The following MACROD2 variants were observed in gnomAD, a reference collection of about 807,000 sequenced individuals.
MACROD2 encodes ADP-ribose glycohydrolase MACROD2.
A neutral mutation model predicts 70.4 loss-of-function variants in MACROD2; 36 were observed. The observed-to-expected ratio is 0.51, with a 90% CI of 0.39 to 0.68. MACROD2 has a LOEUF of 0.68. MACROD2 is among the 30% of genes least tolerant of loss of function. The pLI is 0.00. For synonymous variants in MACROD2, 172 were observed against 178.8 expected (o/e 0.96, Z 0.30); for missense variants, 496 against 538.4 (o/e 0.92, Z 0.78).
At chr20:14,797,326 C>G (rs2072521621) in intron 5 of MACROD2, among the ~76,000 whole-genome samples, 1 of 152,062 alleles carries the variant, frequency 6.6e-6, no homozygotes, top group African/African-American at 2.4e-5. Context: ...CGGCCATTGC[C>G]TTTGGGATCA....
At chr20:15,961,585 G>A (rs545694976) in intron 12 of MACROD2, among the ~76,000 whole-genome samples, 2 of 152,292 alleles carry the variant, frequency 1.3e-5, no homozygotes, top group Non-Finnish European at 2.9e-5. Context: ...CTCAGAAGCA[G>A]TGACCCGATG....
intron 2 of MACROD2, among the ~76,000 whole-genome samples, chr20:14,032,567 A>AT (rs2053258301): frequency 6.6e-6 from 1 of 151,998 alleles, no homozygotes; most frequent in African/African-American, 2.4e-5. Context: ...AGCCATCTGA[A>AT]TTTTTTGGGT....
intron 8 of MACROD2, among the ~76,000 whole-genome samples, chr20:15,562,678 C>T (rs2048260177): frequency 6.6e-6 from 1 of 152,142 alleles, no homozygotes; most frequent in South Asian, 2.1e-4. Flanking sequence ...TTACTTAGGG[C>T]ATGCTTTAAT....
chr20:14,896,680 C>T (rs758453507), intron 5 of MACROD2, among the ~76,000 whole-genome samples: 3 of 151,976 alleles, frequency 2.0e-5, no homozygotes, highest in Non-Finnish European at 4.4e-5. Context: ...AAGCATTGAT[C>T]TGCCTGAATA....
chr20:14,043,767 A>G lies in MACROD2; in HGVS notation c.163+41363A>G, dbSNP rs540365994. On this transcript the variant is annotated intron_variant, in intron 2 of 17. Coordinates refer to ENST00000684519, the MANE Select transcript of MACROD2 (RefSeq NM_001351661.2). ...AGCTTCAAGATGGAAAGGCAGGGGA[A>G]AATTCCTGCCTTGGGGAGAAAAAGG... is the stretch of plus-strand genomic sequence containing the variant. Among the ~76,000 whole-genome samples the G allele has an allele frequency of 9.2e-5, 14 of 152,272 alleles. No homozygotes were observed. The East Asian group carries it at 2.5e-3, about 27-fold the overall frequency.
chr20:14,015,927 A>G (rs1455360113), intron 2 of MACROD2, among the ~76,000 whole-genome samples: 1 of 152,210 alleles, frequency 6.6e-6, no homozygotes, highest in East Asian at 1.9e-4. Flanking sequence ...TAATGCTGCT[A>G]TGAATATTGG....
intron 8 of MACROD2, among the ~76,000 whole-genome samples, chr20:15,820,191 G>A (rs1443341290): frequency 2.6e-5 from 4 of 151,798 alleles, no homozygotes; most frequent in African/African-American, 9.7e-5. Context: ...TTTTCTTTTT[G>A]GCAGGAGTAG....
chr20:14,530,867 T>C (rs2085294920), intron 4 of MACROD2, among the ~76,000 whole-genome samples: 1 of 152,250 alleles, frequency 6.6e-6, no homozygotes, highest in African/African-American at 2.4e-5. Context: ...CTATGCTTCA[T>C]TTAACTCCTA....
chr20:14,978,906 T>TATCATAATATATATAATCATA lies in MACROD2; in HGVS notation c.419-251034_419-251033insATCATAATATATATAATCATA, dbSNP rs1467597417. 8.7e-4 allele frequency among the ~76,000 whole-genome samples: 5 copies of TATCATAATATATATAATCATA among 5,768 alleles called. No homozygotes were observed. The South Asian group carries it at 0.054, about 62-fold the overall frequency. 3.8% of individuals were successfully genotyped at this position (5,768 alleles called of 152,430 possible). On this transcript the variant is annotated intron_variant, in intron 5 of 17. Coordinates refer to ENST00000684519, the MANE Select transcript of MACROD2 (RefSeq NM_001351661.2). ...TAAAATATATATATTATATAATATATTATATATAATATATATCATAATATA... is the reference window on the plus strand; with the variant it reads ...TAAAATATATATATTATATAATATATATCATAATATATATAATCATATATATATAATATATATCATAATATA...
intron 2 of MACROD2, among the ~76,000 whole-genome samples, chr20:14,052,244 A>G (rs1250126236): frequency 6.6e-6 from 1 of 152,102 alleles, no homozygotes; most frequent in Non-Finnish European, 1.5e-5. Flanking sequence ...TGTCATCTTC[A>G]TAACTAAGTT....
chr20:14,378,357 G>A (rs2083392428), intron 3 of MACROD2, among the ~76,000 whole-genome samples: 1 of 152,088 alleles, frequency 6.6e-6, no homozygotes, highest in Non-Finnish European at 1.5e-5. Flanking sequence ...CAGTTGATGG[G>A]CACTGCCTCA....
chr20:15,578,207 G>A (rs948643255), intron 8 of MACROD2, among the ~76,000 whole-genome samples: 2 of 152,192 alleles, frequency 1.3e-5, no homozygotes, highest in Non-Finnish European at 1.5e-5. Context: ...TTGAGTCACA[G>A]TGTTTTCAGA....
At chr20:14,810,900 C>T (rs943100637) in intron 5 of MACROD2, among the ~76,000 whole-genome samples, 2 of 151,986 alleles carry the variant, frequency 1.3e-5, no homozygotes, top group African/African-American at 4.8e-5. Flanking sequence ...AGGACCTCTT[C>T]AAGGAGAACT....
intron 5 of MACROD2, among the ~76,000 whole-genome samples, chr20:14,782,705 C>G (rs912571839): frequency 3.3e-5 from 5 of 152,124 alleles, no homozygotes; most frequent in African/African-American, 9.7e-5. Flanking sequence ...GACCGCCTCT[C>G]TGCCCAACTT....
intron 3 of MACROD2, among the ~76,000 whole-genome samples, chr20:14,245,362 C>CAAAA (rs11477339): frequency 7.7e-6 from 1 of 129,906 alleles, no homozygotes; most frequent in African/African-American, 2.8e-5. Context: ...GACTTCGTCT[C>CAAAA]AAAAAAAAAA....
chr20:14,940,108 A>G (rs114187703), intron 5 of MACROD2, among the ~76,000 whole-genome samples: 2,112 of 133,806 alleles, frequency 0.016, 51 homozygotes, highest in African/African-American at 0.054. Flanking sequence ...TTTTCTTTCC[A>G]GTTTGGAGCC....
chr20:14,860,220 A>G (rs545759697), intron 5 of MACROD2, among the ~76,000 whole-genome samples: 9 of 152,184 alleles, frequency 5.9e-5, no homozygotes, highest in Non-Finnish European at 1.2e-4. Flanking sequence ...TATGGCCTCA[A>G]ATAAATTGAA....
chr20:14,597,064 A>C (rs1982191964), intron 4 of MACROD2, among the ~76,000 whole-genome samples: 1 of 152,162 alleles, frequency 6.6e-6, no homozygotes, highest in Non-Finnish European at 1.5e-5. Context: ...ATTTGCAAAT[A>C]ATTTCTCCCT....
Position 15,322,851 on chromosome 20 carries a change from GGAATCCAT to G in MACROD2, c.540+92807_540+92814del, listed in dbSNP as rs558112529. ...GTCTGCCTATTAGAAATGTGACCTTGGAATCCATGAATCCATGAATCCATATTTGGAAT... is the reference window on the plus strand; with the variant it reads ...GTCTGCCTATTAGAAATGTGACCTTGGAATCCATGAATCCATATTTGGAAT... On this transcript the variant is annotated intron_variant, in intron 6 of 17. Transcript: ENST00000684519. Among the ~76,000 whole-genome samples, 64 of 143,638 alleles carry G rather than the reference GGAATCCAT, an allele frequency of 4.5e-4. 6 individuals are homozygous for G. The highest frequency in any genetic ancestry group is 4.4e-3 in the East Asian group (22 of 4,946). 94.2% of individuals were successfully genotyped at this position (143,638 alleles called of 152,430 possible). A position where few individuals can be genotyped will look rare whatever the true frequency, so the allele number is the denominator to read the frequency against.
Sources: gnomAD v4.1 joint callset for allele counts (sites outside exome capture counted in the v4.1 genomes callset) on GRCh38, gnomAD v4.1.1 for gene constraint, MANE v1.5 for transcripts, NCBI Gene and HGNC (gene_info 2026-07-23, HGNC 2026-07-21) for gene names.